SOX5: variants seen among roughly 807,000 people sequenced by gnomAD.
The protein encoded by SOX5 is transcription factor SOX-5.
In SOX5, 9 loss-of-function variants were observed where a neutral mutation model predicts 92.0. The observed-to-expected ratio is 0.10, with a 90% confidence interval of 0.06 to 0.17. The LOEUF (loss-of-function observed/expected upper bound fraction) is 0.17. Among genes scored for constraint, SOX5 ranks in the 10% least tolerant of loss-of-function variants. SOX5 has a pLI of 1.00. For synonymous variants in SOX5, 344 were observed against 336.3 expected, an observed-to-expected ratio of 1.02 and a Z score of -0.25; for missense variants, 642 against 944.5, an observed-to-expected ratio of 0.68 and a Z score of 4.20.
chr12:23,897,395 C>T (rs529615995), intron 1 of SOX5, among the ~76,000 whole-genome samples: 13 of 152,002 alleles, frequency 8.6e-5, no homozygotes, highest in Admixed American at 7.2e-4. Context: ...TCAGACAAGT[C>T]GGAATGAAAA....
intron 4 of SOX5, among the ~76,000 whole-genome samples, chr12:24,181,748 G>T (rs545172099): frequency 1.3e-5 from 2 of 152,134 alleles, no homozygotes; most frequent in South Asian, 4.2e-4. Context: ...TAAGTTCTAG[G>T]AGGCAAAGAT....
chr12:23,907,892 T>A (rs905546825), intron 1 of SOX5, among the ~76,000 whole-genome samples: 1 of 152,176 alleles, frequency 6.6e-6, no homozygotes, highest in African/African-American at 2.4e-5. Context: ...ATCGCAGAAC[T>A]GCAAATAGGG....
intron 1 of SOX5, among the ~76,000 whole-genome samples, chr12:24,492,214 T>C (rs1429098138): frequency 1.3e-5 from 2 of 152,176 alleles, no homozygotes; most frequent in African/African-American, 2.4e-5. Flanking sequence ...AGTTCAAGGG[T>C]AGTACCAACG....
At chr12:23,651,420 A>G (rs1291978512) in intron 7 of SOX5, among the ~76,000 whole-genome samples, 1 of 152,060 alleles carries the variant, frequency 6.6e-6, no homozygotes, top group African/African-American at 2.4e-5. Context: ...CTTTTAAAGC[A>G]TTATGCAAAT....
intron 4 of SOX5, among the ~76,000 whole-genome samples, chr12:24,133,469 A>G (rs1159765230): frequency 6.6e-6 from 1 of 152,188 alleles, no homozygotes; most frequent in Non-Finnish European, 1.5e-5. Context: ...AGCAGCATCA[A>G]TTAAACCCAG....
chr12:23,785,654 C>A (rs1231602122), intron 3 of SOX5, among the ~76,000 whole-genome samples: 2 of 151,896 alleles, frequency 1.3e-5, no homozygotes, highest in Admixed American at 1.3e-4. Context: ...GTTAGATGGA[C>A]AATAATGTTG....
chr12:23,805,378 A>C (rs148869695), intron 3 of SOX5, among the ~76,000 whole-genome samples: 28 of 152,192 alleles, frequency 1.8e-4, no homozygotes, highest in Non-Finnish European at 2.8e-4. Context: ...TAAATAGAGT[A>C]GTTGCAAGGA....
At chr12:24,190,829 A>G (rs1266616732) in intron 4 of SOX5, among the ~76,000 whole-genome samples, 8 of 152,234 alleles carry the variant, frequency 5.3e-5, no homozygotes, top group Admixed American at 2.0e-4. Flanking sequence ...TCTTAAATCA[A>G]TGGATTATGG....
intron 2 of SOX5, among the ~76,000 whole-genome samples, chr12:24,364,007 G>A (rs1201926375): frequency 6.6e-6 from 1 of 152,136 alleles, no homozygotes; most frequent in Non-Finnish European, 1.5e-5. Context: ...TCGTCGGCAG[G>A]CATTTTTAGA....
chr12:23,939,110 A>C lies in SOX5; in HGVS notation c.38+10454T>G, dbSNP rs563364667. Among the ~76,000 whole-genome samples the C allele has an allele frequency of 1.1e-4, 16 of 151,152 alleles. No individual in the cohort carries two copies. In the South Asian group the frequency reaches 2.7e-3, roughly 25 times the overall value. ...GATAAATAATTTTATATTTATTTTT[A>C]AGTCCATTCATAGACGCATGGCTGA... On this transcript the variant is annotated intron_variant, in intron 1 of 14. Coordinates refer to ENST00000451604, the MANE Select transcript of SOX5 (RefSeq NM_006940.6).
chr12:24,522,039 T>C (rs1183374232), intron 1 of SOX5, among the ~76,000 whole-genome samples: 3 of 151,114 alleles, frequency 2.0e-5, no homozygotes, highest in African/African-American at 7.3e-5. Flanking sequence ...AAACCTTAGA[T>C]ACACCAAGAA....
chr12:23,847,968 A>G (rs1427041934), intron 2 of SOX5, among the ~76,000 whole-genome samples: 1 of 152,144 alleles, frequency 6.6e-6, no homozygotes, highest in Non-Finnish European at 1.5e-5. Context: ...GCAATCACAA[A>G]TTCATTCAGT....
chr12:24,260,873 G>A (rs1217122402), intron 3 of SOX5, among the ~76,000 whole-genome samples: 1 of 152,192 alleles, frequency 6.6e-6, no homozygotes, highest in Non-Finnish European at 1.5e-5. Flanking sequence ...ACTATTAAGA[G>A]TGTGAGCTTT....
intron 1 of SOX5, among the ~76,000 whole-genome samples, chr12:23,919,353 C>G (rs1032713630): frequency 2.6e-5 from 4 of 152,120 alleles, no homozygotes; most frequent in Admixed American, 2.0e-4. Context: ...AAGAAACACC[C>G]ATAGCCAGTA....
chr12:24,560,334 C>T (rs530046046), intron 1 of SOX5, among the ~76,000 whole-genome samples: 1 of 152,226 alleles, frequency 6.6e-6, no homozygotes, highest in South Asian at 2.1e-4. Context: ...AAAAGCAATC[C>T]CTAGCAGTTT....
chr12:23,950,946 A>G, upstream of SOX5: 5 of 1,365,906 alleles, frequency 3.7e-6, no homozygotes, highest in Non-Finnish European at 5.0e-6. Flanking sequence ...ACTTACCAAC[A>G]GGAGATAGTG....
intron 3 of SOX5, among the ~76,000 whole-genome samples, chr12:23,787,985 G>A (rs2095410974): frequency 6.6e-6 from 1 of 151,480 alleles, no homozygotes; most frequent in Non-Finnish European, 1.5e-5. Flanking sequence ...CAATGAGAAA[G>A]ATACTGCTCA....
chr12:24,131,665 T>C (rs1421554287), intron 4 of SOX5, among the ~76,000 whole-genome samples: 1 of 152,196 alleles, frequency 6.6e-6, no homozygotes, highest in Non-Finnish European at 1.5e-5. Context: ...ATCAGGTGGA[T>C]GATTTTAGCT....
chr12:24,232,662 T>C (rs1698911924), intron 3 of SOX5, among the ~76,000 whole-genome samples: 1 of 152,150 alleles, frequency 6.6e-6, no homozygotes, highest in Non-Finnish European at 1.5e-5. Flanking sequence ...AATAATTCTA[T>C]TGGTTAGATA....
Sources: gnomAD v4.1 joint callset for allele counts (sites outside exome capture counted in the v4.1 genomes callset) on GRCh38, gnomAD v4.1.1 for gene constraint, MANE v1.5 for transcripts, NCBI Gene and HGNC (gene_info 2026-07-23, HGNC 2026-07-21) for gene names.